The following VPS13B variants were observed in gnomAD, a reference collection of about 807,000 sequenced individuals.
VPS13B encodes vacuolar protein sorting 13 homolog B.
Under a neutral mutation model 426.4 loss-of-function variants are expected in VPS13B, and 285 were observed. That is an observed-to-expected ratio of 0.67 (90% CI 0.61 to 0.74). The LOEUF is 0.74. VPS13B is among the 30% of genes least tolerant of loss of function. The pLI is 0.00. For missense variants in VPS13B, 4,537 were observed against 4,782.6 expected, an observed-to-expected ratio of 0.95 and a Z score of 1.51; for synonymous variants, 1,676 against 1,676.4, an observed-to-expected ratio of 1.00 and a Z score of 0.01.
chr8:99,204,997 A>G (rs185267146), intron 17 of VPS13B, among the ~76,000 whole-genome samples: 49 of 152,362 alleles, frequency 3.2e-4, no homozygotes, highest in African/African-American at 1.1e-3. Flanking sequence ...CAGCCATCCC[A>G]TTACTGGGTA....
intron 33 of VPS13B, among the ~76,000 whole-genome samples, chr8:99,581,129 G>A (rs920878106): frequency 6.6e-6 from 1 of 151,248 alleles, no homozygotes; most frequent in African/African-American, 2.4e-5. Flanking sequence ...GCTGCAGTGA[G>A]CCAAGATCAC....
intron 17 of VPS13B, among the ~76,000 whole-genome samples, chr8:99,267,521 A>G (rs2132970256): frequency 6.6e-6 from 1 of 152,066 alleles, no homozygotes; most frequent in East Asian, 1.9e-4. Context: ...AAAGATCAGG[A>G]GATCGAGACC....
chr8:99,273,161 T>A (rs990698789), intron 17 of VPS13B, among the ~76,000 whole-genome samples: 100 of 146,346 alleles, frequency 6.8e-4, no homozygotes, highest in African/African-American at 2.3e-3. Context: ...CTCAGGTAGT[T>A]TTTTTTTTTT....
At chr8:99,379,540 T>G (rs751855163) in intron 19 of VPS13B, among the ~76,000 whole-genome samples, 1 of 152,206 alleles carries the variant, frequency 6.6e-6, no homozygotes, top group Non-Finnish European at 1.5e-5. Flanking sequence ...TGGAAAATAA[T>G]AATTGGCTAT....
chr8:99,819,013 G>A, intron 47 of VPS13B, 125 bp downstream of exon 47: 1 of 942,318 alleles, frequency 1.1e-6, no homozygotes. Flanking sequence ...GGAGTTTTTT[G>A]TATGATTTCT....
chr8:99,168,624 G>A (rs776072150), intron 15 of VPS13B, among the ~76,000 whole-genome samples: 5 of 151,910 alleles, frequency 3.3e-5, no homozygotes, highest in Non-Finnish European at 5.9e-5. Context: ...AGAAACCAAC[G>A]CAGTACTTTG....
intron 39 of VPS13B, among the ~76,000 whole-genome samples, chr8:99,725,954 T>C (rs1833330298): frequency 6.6e-6 from 1 of 152,226 alleles, no homozygotes; most frequent in Non-Finnish European, 1.5e-5. Flanking sequence ...TGAGTTTAGA[T>C]GACTTTTTCC....
intron 30 of VPS13B, among the ~76,000 whole-genome samples, chr8:99,541,521 C>T (rs914541983): frequency 6.6e-6 from 1 of 152,108 alleles, no homozygotes; most frequent in Non-Finnish European, 1.5e-5. Context: ...CGGACAGGCC[C>T]CGGTGTGTGA....
chr8:99,167,191 G>A (rs1812056283), intron 15 of VPS13B, among the ~76,000 whole-genome samples: 3 of 152,014 alleles, frequency 2.0e-5, no homozygotes, highest in Admixed American at 2.0e-4. Context: ...GGTTGATTTT[G>A]ATTTCATTCT....
At position 99,874,330 on chromosome 8, in the gene VPS13B, A is replaced by G. The variant is rs1402115291; in HGVS notation, c.11746-1088A>G. 2.0e-5 allele frequency among the ~76,000 whole-genome samples: 3 copies of G among 152,312 alleles called. No individual in the cohort carries two copies. The East Asian group carries it at 5.8e-4, about 29-fold the overall frequency. On this transcript the variant is annotated intron_variant, in intron 61 of 61. Coordinates refer to ENST00000357162, the MANE Select transcript of VPS13B (RefSeq NM_152564.5). ...GGTGCAGAGCTTTCGTCTGTTAGTGAATCTTTGGGGACCGTTTTTCCCCAA... is the reference window on the plus strand; with the variant it reads ...GGTGCAGAGCTTTCGTCTGTTAGTGGATCTTTGGGGACCGTTTTTCCCCAA...
chr8:99,264,960 A>T (rs1818227756), intron 17 of VPS13B, among the ~76,000 whole-genome samples: 3 of 152,024 alleles, frequency 2.0e-5, no homozygotes. Context: ...GATTTTCTCA[A>T]CTTTATTTTC....
chr8:99,025,994 A>G (rs1019997251), intron 2 of VPS13B, among the ~76,000 whole-genome samples: 2 of 151,790 alleles, frequency 1.3e-5, no homozygotes, highest in African/African-American at 2.4e-5. Flanking sequence ...TTTGGTCTCT[A>G]TTTCATTTAT....
At chr8:99,768,448 A>C (rs901636956) in intron 40 of VPS13B, among the ~76,000 whole-genome samples, 1 of 152,190 alleles carries the variant, frequency 6.6e-6, no homozygotes, top group African/African-American at 2.4e-5. Context: ...ATTATAAATT[A>C]TTGTGAATAC....
At chr8:99,309,418 C>G (rs181610832) in intron 19 of VPS13B, among the ~76,000 whole-genome samples, 54 of 152,058 alleles carry the variant, frequency 3.6e-4, no homozygotes, top group Middle Eastern at 3.4e-3. Flanking sequence ...AGTTTTCCCA[C>G]CACCATTTAT....
chr8:99,288,018 G>A (rs151064565), intron 19 of VPS13B, among the ~76,000 whole-genome samples: 26 of 151,846 alleles, frequency 1.7e-4, no homozygotes, highest in African/African-American at 5.8e-4. Flanking sequence ...GAAGTATAAG[G>A]GTATTTATGT....
intron 21 of VPS13B, among the ~76,000 whole-genome samples, chr8:99,413,322 C>G (rs1815801526): frequency 6.6e-6 from 1 of 152,098 alleles, no homozygotes; most frequent in Non-Finnish European, 1.5e-5. Context: ...TCCATTTCTT[C>G]TAGATTTTCT....
At chr8:99,538,040 G>A (rs552026442) in intron 30 of VPS13B, among the ~76,000 whole-genome samples, 4 of 152,162 alleles carry the variant, frequency 2.6e-5, no homozygotes, top group South Asian at 2.1e-4. Flanking sequence ...CATTACTGTC[G>A]ACAGATGCTC....
At chr8:99,828,529 T>G (rs945646891) in intron 51 of VPS13B, among the ~76,000 whole-genome samples, 4 of 150,564 alleles carry the variant, frequency 2.7e-5, no homozygotes, top group African/African-American at 9.8e-5. Context: ...TACAGCACAC[T>G]GATAGGTGTT....
At chr8:99,114,589 T>G (rs1165241244) in intron 6 of VPS13B, among the ~76,000 whole-genome samples, 1 of 152,220 alleles carries the variant, frequency 6.6e-6, no homozygotes, top group Non-Finnish European at 1.5e-5. Context: ...ACATGCATAC[T>G]CCTTTCCTGC....
Sources: allele counts gnomAD v4.1 joint callset (sites outside exome capture counted in the v4.1 genomes callset), GRCh38; gene constraint gnomAD v4.1.1; transcripts MANE v1.5; gene names NCBI Gene and HGNC (gene_info 2026-07-23, HGNC 2026-07-21).